The following DTNB variants were observed in gnomAD, a reference collection of about 807,000 sequenced individuals.
DTNB encodes DTN-B.
Under a neutral mutation model 90.7 loss-of-function variants are expected in DTNB, and 63 were observed. The ratio of observed to expected loss-of-function variants is 0.69; its 90% CI spans 0.57 to 0.86. The LOEUF is 0.86. Among genes scored for constraint, DTNB ranks in the 40% least tolerant of loss-of-function variants. The pLI is 0.00. For missense variants in DTNB, 744 were observed against 807.1 expected, an observed-to-expected ratio of 0.92 and a Z score of 0.95; for synonymous variants, 277 against 286.7, an observed-to-expected ratio of 0.97 and a Z score of 0.34.
chr2:25,564,400 AGATGGAGTCTCTCTCTGTCACCCAC>A (rs2058703463), intron 8 of DTNB, among the ~76,000 whole-genome samples: 1 of 151,880 alleles, frequency 6.6e-6, no homozygotes, highest in Non-Finnish European at 1.5e-5. Context: ...ATTTTTTTTG[AGATGGAGTCTCTCTCTGTCACCCAC>A]GATGGAGCAC....
At chr2:25,669,293 TA>T (rs1316885344) in intron 1 of DTNB, among the ~76,000 whole-genome samples, 1 of 151,920 alleles carries the variant, frequency 6.6e-6, no homozygotes, top group East Asian at 1.9e-4. Flanking sequence ...TTTACTATAA[TA>T]AAAAAAGTTA....
chr2:25,627,449 C>G (rs1040409945), intron 4 of DTNB, among the ~76,000 whole-genome samples: 9 of 151,590 alleles, frequency 5.9e-5, no homozygotes, highest in African/African-American at 2.2e-4. Context: ...TACTATAGTC[C>G]AATATTTGAT....
At chr2:25,421,610 T>C (rs2049730159) in intron 15 of DTNB, among the ~76,000 whole-genome samples, 1 of 152,250 alleles carries the variant, frequency 6.6e-6, no homozygotes, top group African/African-American at 2.4e-5. Context: ...TGGCACTGTG[T>C]TGAAGTGGAA....
intron 8 of DTNB, among the ~76,000 whole-genome samples, chr2:25,560,118 G>A (rs926164421): frequency 3.3e-5 from 5 of 152,212 alleles, no homozygotes; most frequent in Non-Finnish European, 7.3e-5. Context: ...GCATGTTGGC[G>A]CATGCCTGTA....
At chr2:25,607,040 A>G (rs1253625623) in intron 5 of DTNB, among the ~76,000 whole-genome samples, 196 bp downstream of exon 5, 1 of 152,196 alleles carries the variant, frequency 6.6e-6, no homozygotes, top group East Asian at 1.9e-4. Context: ...AAGGACTAAC[A>G]ATAAATTAAA....
chr2:25,467,717 T>C (rs1020255996), intron 10 of DTNB, among the ~76,000 whole-genome samples: 2 of 152,040 alleles, frequency 1.3e-5, no homozygotes, highest in Non-Finnish European at 2.9e-5. Context: ...TAAAAAAAAA[T>C]TGTATATAGA....
chr2:25,388,541 A>G, intron 16 of DTNB, 180 bp from the exon 17 acceptor site: 1 of 808,660 alleles, frequency 1.2e-6, no homozygotes, highest in East Asian at 2.9e-5. Flanking sequence ...AAGAAAAGGA[A>G]AAAAGGAAGG....
chr2:25,552,750 C>T (rs1186111216), intron 8 of DTNB, among the ~76,000 whole-genome samples: 1 of 152,010 alleles, frequency 6.6e-6, no homozygotes, highest in African/African-American at 2.4e-5. Context: ...AGTAAGGTGC[C>T]CTCCGTCTAC....
At chr2:25,588,197 A>G (rs2062820737) in intron 6 of DTNB, among the ~76,000 whole-genome samples, 1 of 151,938 alleles carries the variant, frequency 6.6e-6, no homozygotes, top group East Asian at 1.9e-4. Flanking sequence ...AAAAAAAAAA[A>G]GGCTCTAAAA....
intron 16 of DTNB, among the ~76,000 whole-genome samples, chr2:25,411,373 A>G (rs2046563001): frequency 6.6e-6 from 1 of 151,962 alleles, no homozygotes; most frequent in Non-Finnish European, 1.5e-5. Flanking sequence ...AAAAAAAAAG[A>G]AAAGAAAAAC....
At chr2:25,668,542 A>G (rs2085056000) in intron 1 of DTNB, among the ~76,000 whole-genome samples, 1 of 152,262 alleles carries the variant, frequency 6.6e-6, no homozygotes, top group Non-Finnish European at 1.5e-5. Flanking sequence ...TATACAATAC[A>G]AAGAGTGAAC....
intron 8 of DTNB, among the ~76,000 whole-genome samples, chr2:25,545,595 T>C (rs2082242852): frequency 1.3e-5 from 2 of 152,198 alleles, no homozygotes; most frequent in South Asian, 4.1e-4. Flanking sequence ...CCCGTGTGGT[T>C]ACTGAACACT....
chr2:25,494,563 G>A (rs966769554), intron 9 of DTNB, among the ~76,000 whole-genome samples: 7 of 152,054 alleles, frequency 4.6e-5, no homozygotes, highest in Non-Finnish European at 8.8e-5. Flanking sequence ...CCAACCTCAC[G>A]AAGGCAGGGG....
At position 25,455,508 on chromosome 2, in the gene DTNB, A is replaced by G; in HGVS notation, c.1080-14T>C. ...CTATACTGTAACCTAGGAACAATGGAGGCAAAGACAGCAAGCGTGACACAA... is the reference window on the plus strand; with the variant it reads ...CTATACTGTAACCTAGGAACAATGGGGGCAAAGACAGCAAGCGTGACACAA... On this transcript the variant is annotated splice_polypyrimidine_tract_variant and intron_variant, in intron 10 of 20. Transcript: ENST00000406818. The G allele has an allele frequency of 6.3e-7, 1 of 1,596,980 alleles. No individual in the cohort carries two copies. Among genetic ancestry groups the G allele is most frequent in the Non-Finnish European group, 8.5e-7 (1 of 1,171,242 alleles).
At chr2:25,489,327 T>C (rs1005608702) in intron 9 of DTNB, among the ~76,000 whole-genome samples, 1 of 152,172 alleles carries the variant, frequency 6.6e-6, no homozygotes, top group Non-Finnish European at 1.5e-5. Context: ...TTGCCTATAA[T>C]GTGACAGGCA....
chr2:25,506,883 A>T (rs1411605554), intron 9 of DTNB, among the ~76,000 whole-genome samples: 1 of 152,224 alleles, frequency 6.6e-6, no homozygotes. Context: ...AAGAATCATT[A>T]TCATACAGAA....
At chr2:25,466,565 C>CA (rs2061821594) in intron 10 of DTNB, among the ~76,000 whole-genome samples, 1 of 152,190 alleles carries the variant, frequency 6.6e-6, no homozygotes, top group Non-Finnish European at 1.5e-5. Flanking sequence ...GTGGCCGAGT[C>CA]ACTCAGCCAG....
chr2:25,584,385 T>C (rs1044207223), intron 6 of DTNB, among the ~76,000 whole-genome samples: 1 of 152,182 alleles, frequency 6.6e-6, no homozygotes, highest in Non-Finnish European at 1.5e-5. Flanking sequence ...TGGGAATCCA[T>C]GTGTCTTCTA....
intron 8 of DTNB, among the ~76,000 whole-genome samples, chr2:25,547,359 T>C (rs1403699905): frequency 6.7e-6 from 1 of 148,836 alleles, no homozygotes; most frequent in Non-Finnish European, 1.5e-5. Context: ...AGTTTCACTC[T>C]TGTTGCCCAG....
Sources: gnomAD v4.1 joint callset for allele counts (sites outside exome capture counted in the v4.1 genomes callset) on GRCh38, gnomAD v4.1.1 for gene constraint, MANE v1.5 for transcripts, NCBI Gene and HGNC (gene_info 2026-07-23, HGNC 2026-07-21) for gene names.